KIF6: variants seen among roughly 807,000 people sequenced by gnomAD.
The protein encoded by KIF6 is kinesin-like protein KIF6.
In KIF6, 106 loss-of-function variants were observed where a neutral mutation model predicts 112.7. The observed-to-expected ratio is 0.94, with a 90% CI of 0.80 to 1.11. KIF6 has a LOEUF of 1.11. Ranked by LOEUF, KIF6 falls within the 50% of genes least tolerant of loss-of-function variation. KIF6 has a pLI of 0.00. For missense variants in KIF6, 929 were observed against 964.0 expected (o/e 0.96, Z 0.48); for synonymous variants, 339 against 339.9 (o/e 1.00, Z 0.03).
At chr6:39,356,966 G>GTTCCA (rs1324326093) in intron 19 of KIF6, among the ~76,000 whole-genome samples, 1 of 152,096 alleles carries the variant, frequency 6.6e-6, no homozygotes, top group Non-Finnish European at 1.5e-5. Context: ...CTATGACCCT[G>GTTCCA]TTCCATTCCT....
intron 13 of KIF6, among the ~76,000 whole-genome samples, chr6:39,509,989 G>A (rs1408392167): frequency 3.9e-5 from 6 of 152,126 alleles, no homozygotes; most frequent in Non-Finnish European, 7.4e-5. Flanking sequence ...GAGAAAGGTC[G>A]GGTTACCCAC....
At chr6:39,394,144 G>T (rs767477564) in intron 15 of KIF6, among the ~76,000 whole-genome samples, 12 of 152,248 alleles carry the variant, frequency 7.9e-5, no homozygotes, top group Non-Finnish European at 1.3e-4. Context: ...GGGTGGAAGT[G>T]GGGTGGAGAG....
chr6:39,362,464 A>G lies in KIF6; in HGVS notation c.1916T>C (p.Leu639Pro). 6.2e-7 allele frequency: 1 copy of G among 1,614,108 alleles called. No homozygotes were observed. The highest frequency in any genetic ancestry group is 1.1e-5 in the South Asian group (1 of 91,076). The change falls in exon 17 of 23, where the codon CTG (leucine) becomes CCG (proline). Residue 639 changes from leucine to proline, a missense_variant. Physicochemically the swap from Leu to Pro is moderately conservative, Grantham distance 98. Transcript: ENST00000287152. ...PLMPDQQEEK[L>P]RSQLEEEKRR... Reference sequence around the variant, plus strand: ...CTTTTCTTCCTCCAGTTGTGATCGCAGCTTCTCCTCCTGCTGGTCTGGCAT... The same window carrying G: ...CTTTTCTTCCTCCAGTTGTGATCGCGGCTTCTCCTCCTGCTGGTCTGGCAT...
intron 18 of KIF6, 96 bp downstream of exon 18, chr6:39,360,299 C>T (rs1299738813): frequency 1.5e-5 from 21 of 1,404,906 alleles, no homozygotes; most frequent in Non-Finnish European, 2.0e-5. Flanking sequence ...ACCATGGGGG[C>T]CTGTGGGTCA....
intron 3 of KIF6, among the ~76,000 whole-genome samples, chr6:39,648,837 T>G (rs1175055157): frequency 6.6e-6 from 1 of 152,060 alleles, no homozygotes; most frequent in African/African-American, 2.4e-5. Flanking sequence ...TAAAGGCATG[T>G]GAGTTTAGTT....
intron 13 of KIF6, among the ~76,000 whole-genome samples, chr6:39,477,777 C>T (rs1211745064): frequency 6.6e-6 from 1 of 152,166 alleles, no homozygotes; most frequent in African/African-American, 2.4e-5. Context: ...AGGAGAATGG[C>T]TTGATCCCGG....
chr6:39,585,722 C>T (rs1781591212), intron 8 of KIF6, among the ~76,000 whole-genome samples: 1 of 152,190 alleles, frequency 6.6e-6, no homozygotes, highest in Non-Finnish European at 1.5e-5. Context: ...GTCAAGGCAT[C>T]TTACAATCAA....
At chr6:39,633,795 T>C (rs1784475087) in intron 5 of KIF6, among the ~76,000 whole-genome samples, 1 of 152,132 alleles carries the variant, frequency 6.6e-6, no homozygotes, top group Admixed American at 6.6e-5. Flanking sequence ...TGTTGGAGAG[T>C]TCACTGACTC....
chr6:39,419,504 T>C (rs1770192062), intron 15 of KIF6, among the ~76,000 whole-genome samples: 1 of 152,190 alleles, frequency 6.6e-6, no homozygotes. Context: ...TGTTTTTGCT[T>C]CTTATCCTTC....
chr6:39,583,370 C>G (rs758401116), intron 9 of KIF6: 3 of 470,990 alleles, frequency 6.4e-6, no homozygotes, highest in South Asian at 1.5e-5. Context: ...CTCTCTCCAG[C>G]AGGAACACTG....
chr6:39,431,065 ATC>A lies in KIF6; in HGVS notation c.1740_1741del (p.Gln580HisfsTer8). The A allele has an allele frequency of 6.2e-7, 1 of 1,610,494 alleles. No homozygotes were observed. The highest frequency in any genetic ancestry group is 8.5e-7 in the Non-Finnish European group (1 of 1,176,970). On this transcript the variant is annotated frameshift_variant, in exon 14 of 23. Transcript: ENST00000287152. LOFTEE classifies it high-confidence loss of function. ...GAGACAGCCTTACCTCTGTTTCAGA[ATC>A]TGTTTGTTGTCATCGATGGTAACGC... is the stretch of plus-strand genomic sequence containing the variant.
chr6:39,397,855 GCTGTGTCT>G (rs1768389289), intron 15 of KIF6, among the ~76,000 whole-genome samples: 1 of 152,180 alleles, frequency 6.6e-6, no homozygotes, highest in South Asian at 2.1e-4. Flanking sequence ...GATTTTGGGT[GCTGTGTCT>G]CTGGGGAGTC....
chr6:39,643,983 TAAG>T (rs1785037354), intron 3 of KIF6, among the ~76,000 whole-genome samples: 1 of 151,994 alleles, frequency 6.6e-6, no homozygotes, highest in South Asian at 2.1e-4. Flanking sequence ...AACTCAATAA[TAAG>T]AAGACAAACA....
rs1367231296 is a variant in KIF6 at position 39,584,905 on chromosome 6, G to T, written c.1070C>A (p.Pro357His). The T allele has an allele frequency of 1.3e-6, 2 of 1,598,672 alleles. No individual in the cohort carries two copies. The highest frequency in any genetic ancestry group is 1.7e-6 in the Non-Finnish European group (2 of 1,167,360). The change falls in exon 9 of 23, where the codon CCC becomes CAC. Residue 357 changes from proline to histidine, a missense_variant. Coordinates refer to ENST00000287152, the MANE Select transcript of KIF6 (RefSeq NM_145027.6). ...TCGTTAAAAGTTGCTTACTAATCTG[G>T]GGTTAATTTCTTCATTAAGAACAGC... is the stretch of plus-strand genomic sequence containing the variant. ...NEAVLNEEIN[P>H]RLVIKRLQKE... is the part of the protein sequence containing the mutation.
chr6:39,658,030 T>C (rs1316141214), intron 3 of KIF6, among the ~76,000 whole-genome samples: 4 of 152,202 alleles, frequency 2.6e-5, no homozygotes, highest in African/African-American at 7.2e-5. Flanking sequence ...CAAAATTCCA[T>C]TAGTACAACA....
intron 14 of KIF6, among the ~76,000 whole-genome samples, chr6:39,427,016 T>C (rs1358686286): frequency 6.6e-6 from 1 of 152,216 alleles, no homozygotes; most frequent in Middle Eastern, 3.2e-3. Flanking sequence ...AACACCAGCA[T>C]GGTCAGACCA....
Position 39,342,186 on chromosome 6 carries a change from G to A in KIF6, c.2428+1523C>T, listed in dbSNP as rs1763357022. ...TGCTAGGACTGTGCATTCCCAGAACGCGGCGTAGCTGCTCCATTCTCATGA... is the reference window on the plus strand; with the variant it reads ...TGCTAGGACTGTGCATTCCCAGAACACGGCGTAGCTGCTCCATTCTCATGA... On this transcript the variant is annotated intron_variant, in intron 22 of 22. Coordinates refer to ENST00000287152, the MANE Select transcript of KIF6 (RefSeq NM_145027.6). This position sits in a 1 kb window ranked among gnomAD's most constrained non-coding sequence, Gnocchi z 4.7. 6.6e-6 allele frequency among the ~76,000 whole-genome samples: 1 copy of A among 152,188 alleles called. No individual in the cohort carries two copies. Among genetic ancestry groups the A allele is most frequent in the Admixed American group, 6.5e-5 (1 of 15,284 alleles).
chr6:39,377,196 G>A (rs1766509928), intron 16 of KIF6, among the ~76,000 whole-genome samples: 1 of 152,164 alleles, frequency 6.6e-6, no homozygotes, highest in Non-Finnish European at 1.5e-5. Flanking sequence ...CTACAGGTAT[G>A]TGCTGCTGTA....
At chr6:39,395,463 C>G (rs1768192360) in intron 15 of KIF6, among the ~76,000 whole-genome samples, 3 of 152,178 alleles carry the variant, frequency 2.0e-5, no homozygotes, top group Admixed American at 1.3e-4. Context: ...GGTATCTATT[C>G]AAAAGATGTT....
Sources: gnomAD v4.1 joint callset for allele counts (sites outside exome capture counted in the v4.1 genomes callset) on GRCh38, gnomAD v4.1.1 for gene constraint, Gnocchi (gnomAD v3.1) non-coding constraint, MANE v1.5 for transcripts, NCBI Gene and HGNC (gene_info 2026-07-23, HGNC 2026-07-21) for gene names.